NLRP6: variants seen among roughly 807,000 people sequenced by gnomAD.
The protein encoded by NLRP6 is NLR family pyrin domain containing 6, also known as NACHT, LRR and PYD domains-containing protein 6.
In NLRP6, 55 loss-of-function variants were observed where a neutral mutation model predicts 70.9. The observed-to-expected ratio is 0.78, with a 90% confidence interval of 0.62 to 0.97. The LOEUF is 0.97. Ranked by LOEUF, NLRP6 falls within the 50% of genes least tolerant of loss-of-function variation. The pLI, the probability that NLRP6 is intolerant of heterozygous loss-of-function variation, is 0.00. For synonymous variants in NLRP6, 652 were observed against 581.9 expected, an observed-to-expected ratio of 1.12 and a Z score of -1.73; for missense variants, 1,241 against 1,238.3, an observed-to-expected ratio of 1.00 and a Z score of -0.03.
chr11:283,095 G>A (rs1375162819), intron 5 of NLRP6, among the ~76,000 whole-genome samples: 1 of 152,180 alleles, frequency 6.6e-6, no homozygotes, highest in Non-Finnish European at 1.5e-5. Context: ...TCCTTCTGAA[G>A]GGAGGCTGCC....
At position 280,110 on chromosome 11, in the gene NLRP6, G is replaced by C; in HGVS notation, c.376G>C (p.Val126Leu). ...GTACAAGAAGAAGTACCGGGAGCAC[G>C]TGCTGCAGCTGCACGCTCGGGTGAA... ...SEYKKKYREH[V>L]LQLHARVKER... The change falls in exon 4 of 8, where the codon GTG becomes CTG. Residue 126 changes from valine (V) to leucine (L), a missense_variant. Transcript: ENST00000534750. 1 of 1,524,502 alleles carries C rather than the reference G, an allele frequency of 6.6e-7. No homozygotes were observed. Among genetic ancestry groups the C allele is most frequent in the Non-Finnish European group, 8.8e-7 (1 of 1,137,544 alleles). 94.4% of individuals were successfully genotyped at this position (1,524,502 alleles called of 1,614,324 possible).
At position 284,394 on chromosome 11, in the gene NLRP6, C is replaced by T. The variant is rs772775833; in HGVS notation, c.2363C>T (p.Thr788Met). Residue 788 changes from threonine (T) to methionine (M), a missense_variant, in exon 6 of 8, where the codon ACG (threonine) becomes ATG (methionine). Physicochemically the swap from Thr to Met is moderately conservative, Grantham distance 81 (BLOSUM62 -1). Coordinates refer to ENST00000534750, the MANE Select transcript of NLRP6 (RefSeq NM_001276700.2). ...GLAWPQCRVQ[T>M]VRVQLPDPQR... ...GCCTGGCCGCAGTGCAGGGTGCAGA[C>T]GGTCAGGTGAGGCCTGGCCTGGGAG... 4.1e-5 allele frequency: 66 copies of T among 1,598,488 alleles called. No homozygotes were observed. Among genetic ancestry groups the T allele is most frequent in the African/African-American group, 1.5e-4 (11 of 74,694 alleles).
rs972004898 is a variant in NLRP6 at position 279,343 on chromosome 11, G to A, written c.46G>A (p.Ala16Thr). The A allele has an allele frequency of 2.3e-6, 3 of 1,286,874 alleles. No homozygotes were observed. Among genetic ancestry groups the A allele is most frequent in the Middle Eastern group, 6.0e-4 (2 of 3,336 alleles). 79.7% of individuals were successfully genotyped at this position (1,286,874 alleles called of 1,614,324 possible). A position where few individuals can be genotyped will look rare whatever the true frequency, so the allele number is the denominator to read the frequency against. ...APCSSTGPRLAVARELLLAAL... is the reference protein window; with the variant it reads ...APCSSTGPRLTVARELLLAAL... Reference sequence around the variant, plus strand: ...CGCCTCCAGCACGGGGCCGCGCCTCGCGGTGGCCCGCGAGCTGCTCCTGGC... The same window carrying A: ...CGCCTCCAGCACGGGGCCGCGCCTCACGGTGGCCCGCGAGCTGCTCCTGGC... Residue 16 changes from alanine to threonine, a missense_variant, in exon 2 of 8, where the codon GCG becomes ACG. Ala to Thr is a moderately conservative substitution (Grantham distance 58). Coordinates refer to ENST00000534750, the MANE Select transcript of NLRP6 (RefSeq NM_001276700.2).
chr11:280,137 G>A lies in NLRP6; in HGVS notation c.403G>A (p.Glu135Lys), dbSNP rs1845446110. 2 of 1,546,820 alleles carry A rather than the reference G, an allele frequency of 1.3e-6. No homozygotes were observed. Among genetic ancestry groups the A allele is most frequent in the Non-Finnish European group, 1.7e-6 (2 of 1,147,368 alleles). The change falls in exon 4 of 8, where the codon GAG becomes AAG. Residue 135 changes from glutamate (E) to lysine (K), a missense_variant. Transcript: ENST00000534750. ...HVLQLHARVK[E>K]RNARSVKITK... ...GCTGCAGCTGCACGCTCGGGTGAAG[G>A]AGAGGAACGCCCGCTCCGTGAAGAT...
intron 6 of NLRP6, 23 bp downstream of exon 6, chr11:284,423 C>T (rs1204583152): frequency 3.1e-6 from 5 of 1,600,700 alleles, no homozygotes; most frequent in Non-Finnish European, 3.4e-6. Context: ...CTGGGAGGGA[C>T]CGTGGGATGC....
In NLRP6 at chr11:280,911, A is replaced by G; in HGVS notation, c.1177A>G (p.Ile393Val). The G allele has an allele frequency of 6.2e-7, 1 of 1,613,302 alleles. No homozygotes were observed. The highest frequency in any genetic ancestry group is 8.5e-7 in the Non-Finnish European group (1 of 1,179,932). ...ALCFVPFVCW[I>V]VCTVLRQQLE... The stretch of plus-strand genomic sequence containing the variant: ...GTGCTTCGTGCCCTTCGTGTGCTGG[A>G]TCGTGTGCACCGTGCTGCGCCAGCA... The change falls in exon 4 of 8, where the codon ATC becomes GTC. Residue 393 changes from isoleucine to valine, a missense_variant. Transcript: ENST00000534750.
In NLRP6 at chr11:284,377, G is replaced by A. The variant is rs148157663; in HGVS notation, c.2346G>A (p.Pro782=). The A allele has an allele frequency of 1.6e-3, 2,629 of 1,601,582 alleles. 46 individuals are homozygous for A. In the Admixed American group the frequency reaches 0.028, roughly 17 times the overall value. ...LRMLSEGLAW[P]QCRVQTVRVQ... The stretch of plus-strand genomic sequence containing the variant: ...TGCTGAGTGAGGGCCTAGCCTGGCC[G>A]CAGTGCAGGGTGCAGACGGTCAGGT... The change falls in exon 6 of 8, where the codon CCG becomes CCA. Residue 782 remains proline (P), a synonymous_variant. Coordinates refer to ENST00000534750, the MANE Select transcript of NLRP6 (RefSeq NM_001276700.2).
Position 285,235 on chromosome 11 carries a change from T to C in NLRP6, c.2607T>C (p.Asp869=), listed in dbSNP as rs1484911284. ...ELQAVKRAKP[D]LVITHPALDG... is the part of the protein sequence containing the mutation. ...AGGCTGTGAAGAGAGCAAAGCCGGA[T>C]CTGGTCATCACACACCCAGCGCTGG... The change falls in exon 8 of 8, where the codon GAT becomes GAC. Residue 869 remains aspartate, a synonymous_variant. Transcript: ENST00000534750. 4 of 1,605,676 alleles carry C rather than the reference T, an allele frequency of 2.5e-6. No individual in the cohort carries two copies. The African/African-American group carries it at 4.0e-5, about 16-fold the overall frequency.
In NLRP6 at chr11:281,669, G is replaced by A. The variant is rs1845481423; in HGVS notation, c.1935G>A (p.Ala645=). Residue 645 remains alanine (A), a synonymous_variant, in exon 4 of 8, where the codon GCG becomes GCA. Coordinates refer to ENST00000534750, the MANE Select transcript of NLRP6 (RefSeq NM_001276700.2). ...CCCTGTGCCGGTTCCCGGAGCTGGC[G>A]CTGCAGCGAGTGCGCTTCTGCCGCA... The part of the protein sequence containing the change: ...RQALCRFPEL[A]LQRVRFCRMD... 1 of 1,613,438 alleles carries A rather than the reference G, an allele frequency of 6.2e-7. No individual in the cohort carries two copies. The highest frequency in any genetic ancestry group is 8.5e-7 in the Non-Finnish European group (1 of 1,180,030).
Position 279,567 on chromosome 11 carries a change from G to T in NLRP6, c.270G>T (p.Ala90=). The T allele has an allele frequency of 7.0e-7, 1 of 1,423,634 alleles. No homozygotes were observed. 88.2% of individuals were successfully genotyped at this position (1,423,634 alleles called of 1,614,324 possible). A position where few individuals can be genotyped will look rare whatever the true frequency, so the allele number is the denominator to read the frequency against. Residue 90 remains alanine (A), a synonymous_variant, in exon 2 of 8, where the codon GCG becomes GCT. Transcript: ENST00000534750. ...GCAAGACCCTCAAGAGGGCGGACGC[G>T]CGCGACGTGGCGGCGCAGCTCCAGG... ...VARKTLKRAD[A]RDVAAQLQER...
In NLRP6 at chr11:284,781, C is replaced by G. The variant is rs913884079; in HGVS notation, c.2537+139C>G. The G allele has an allele frequency of 3.6e-6, 3 of 827,118 alleles. No individual in the cohort carries two copies. The African/African-American group carries it at 5.1e-5, about 14-fold the overall frequency. The allele number at this position is 827,118 out of a possible 1,614,324, so 51.2% of individuals were successfully genotyped here. A position where few individuals can be genotyped will look rare whatever the true frequency, so the allele number is the denominator to read the frequency against. On this transcript the variant is annotated intron_variant, in intron 7 of 7. Coordinates refer to ENST00000534750, the MANE Select transcript of NLRP6 (RefSeq NM_001276700.2). ...CATGTGACTGAGCTCAAACACTGAC[C>G]TGGGAGCCCAGCCCTGACAGCCCTG...
At position 284,547 on chromosome 11, in the gene NLRP6, C is replaced by A; in HGVS notation, c.2442C>A (p.Thr814=). 1.2e-6 allele frequency: 2 copies of A among 1,612,818 alleles called. No homozygotes were observed. The highest frequency in any genetic ancestry group is 1.7e-6 in the Non-Finnish European group (2 of 1,179,856). Reference sequence around the variant, plus strand: ...TGCTTCGGCAGAGCCCTGCCCTGACCACCCTGGATCTCAGCGGCTGCCAAC... The same window carrying A: ...TGCTTCGGCAGAGCCCTGCCCTGACAACCCTGGATCTCAGCGGCTGCCAAC... The part of the protein sequence containing the change: ...VGMLRQSPAL[T]TLDLSGCQLP... The change falls in exon 7 of 8, where the codon ACC becomes ACA. Residue 814 remains threonine, a synonymous_variant. Coordinates refer to ENST00000534750, the MANE Select transcript of NLRP6 (RefSeq NM_001276700.2).
At chr11:282,903 A>G in intron 5 of NLRP6, 106 bp downstream of exon 5, 2 of 819,582 alleles carry the variant, frequency 2.4e-6, no homozygotes, top group East Asian at 2.5e-5. Context: ...GGGTCAGACC[A>G]GAGCCTGAGG....
In NLRP6 at chr11:280,929, C is replaced by A. The variant is rs549181520; in HGVS notation, c.1195C>A (p.Arg399Ser). ...GTGCTGGATCGTGTGCACCGTGCTGCGCCAGCAGCTGGAGCTCGGTCGGGA... is the reference window on the plus strand; with the variant it reads ...GTGCTGGATCGTGTGCACCGTGCTGAGCCAGCAGCTGGAGCTCGGTCGGGA... Reference protein sequence around the residue: ...FVCWIVCTVLRQQLELGRDLS... With the variant: ...FVCWIVCTVLSQQLELGRDLS... Residue 399 changes from arginine (R) to serine (S), a missense_variant, in exon 4 of 8, where the codon CGC becomes AGC. Transcript: ENST00000534750. 26 of 1,613,218 alleles carry A rather than the reference C, an allele frequency of 1.6e-5. 1 individual carries two copies. The highest frequency in any genetic ancestry group is 3.3e-4 in the Middle Eastern group (2 of 6,062).
In NLRP6 at chr11:278,448, C is replaced by A; in HGVS notation, c.-122C>A. ...TGCCAGCTGAGCTGCGGTGTGTGGA[C>A]CCGGGGAATGGACCGGGCTGGACAA... On this transcript the variant is annotated 5_prime_UTR_variant, in exon 1 of 8. Coordinates refer to ENST00000534750, the MANE Select transcript of NLRP6 (RefSeq NM_001276700.2). The surrounding 1 kb of genome is among the most constrained non-coding windows in gnomAD (Gnocchi z 4.7). 1.4e-6 allele frequency: 1 copy of A among 738,356 alleles called. No homozygotes were observed. The highest frequency in any genetic ancestry group is 2.1e-6 in the Non-Finnish European group (1 of 467,376). The allele number at this position is 738,356 out of a possible 1,614,324, so 45.7% of individuals were successfully genotyped here.
In NLRP6 at chr11:281,566, A is replaced by G; in HGVS notation, c.1832A>G (p.Glu611Gly). ...ACCGAAGAGCCAGAGGAGGAGGAGG[A>G]GGGAGAGGAGCCCAACTACCCACTG... ...EDTEEPEEEE[E>G]GEEPNYPLEL... Residue 611 changes from glutamate to glycine, a missense_variant, in exon 4 of 8, where the codon GAG becomes GGG. Physicochemically the swap from Glu to Gly is moderately conservative, Grantham distance 98 (BLOSUM62 -2). Transcript: ENST00000534750. The G allele has an allele frequency of 3.1e-6, 5 of 1,608,712 alleles. No homozygotes were observed. Among genetic ancestry groups the G allele is most frequent in the Admixed American group, 1.7e-5 (1 of 59,704 alleles).
At position 280,064 on chromosome 11, in the gene NLRP6, C is replaced by G. The variant is rs748970476; in HGVS notation, c.350-20C>G. ...CCCACCTCCGACCCTTGTCCCCGCG[C>G]TGTCTCCCGCTGCGCCCAGAGTACA... is the stretch of plus-strand genomic sequence containing the variant. On this transcript the variant is annotated intron_variant, in intron 3 of 7. Transcript: ENST00000534750. The G allele has an allele frequency of 2.7e-6, 4 of 1,460,566 alleles. No homozygotes were observed. The highest frequency in any genetic ancestry group is 3.6e-6 in the Non-Finnish European group (4 of 1,106,876). 90.5% of individuals were successfully genotyped at this position (1,460,566 alleles called of 1,614,324 possible).
rs1343057564 is a variant in NLRP6, at chr11:284,294, C to T, written c.2263C>T (p.Pro755Ser). 4 of 1,612,690 alleles carry T rather than the reference C, an allele frequency of 2.5e-6. No individual in the cohort carries two copies. The highest frequency in any genetic ancestry group is 2.2e-5 in the South Asian group (2 of 91,088). Residue 755 changes from proline to serine, a missense_variant, in exon 6 of 8, where the codon CCC (proline) becomes TCC (serine). By Grantham distance (74) the Pro-to-Ser change is moderately conservative. Coordinates refer to ENST00000534750, the MANE Select transcript of NLRP6 (RefSeq NM_001276700.2). Reference sequence around the variant, plus strand: ...CCTTTCTGAGGCCCTGAGGGCAGCCCCCGCACTGACGGAGCTGGGCCTCCT... The same window carrying T: ...CCTTTCTGAGGCCCTGAGGGCAGCCTCCGCACTGACGGAGCTGGGCCTCCT... Reference protein sequence around the residue: ...RDLSEALRAAPALTELGLLHN... With the variant: ...RDLSEALRAASALTELGLLHN...
Position 281,691 on chromosome 11 carries a change from C to T in NLRP6, c.1957C>T (p.Arg653Cys). The T allele has an allele frequency of 6.2e-7, 1 of 1,613,472 alleles. No homozygotes were observed. The highest frequency in any genetic ancestry group is 8.5e-7 in the Non-Finnish European group (1 of 1,180,032). ...GGCGCTGCAGCGAGTGCGCTTCTGC[C>T]GCATGGACGTGGCTGTTCTGAGCTA... ...ELALQRVRFCRMDVAVLSYCV... is the reference protein window; with the variant it reads ...ELALQRVRFCCMDVAVLSYCV... The change falls in exon 4 of 8, where the codon CGC becomes TGC. Residue 653 changes from arginine to cysteine, a missense_variant. Transcript: ENST00000534750.
Sources: gnomAD v4.1 joint callset for allele counts (sites outside exome capture counted in the v4.1 genomes callset) on GRCh38, gnomAD v4.1.1 for gene constraint, Gnocchi (gnomAD v3.1) non-coding constraint, MANE v1.5 for transcripts, NCBI Gene and HGNC (gene_info 2026-07-23, HGNC 2026-07-21) for gene names.